The following ALMS1 variants were observed in gnomAD, a reference collection of about 807,000 sequenced individuals.
ALMS1 encodes the protein ALMS1 centrosome and basal body associated protein.
In ALMS1, 271 loss-of-function variants were observed where a neutral mutation model predicts 352.2. That is an observed-to-expected ratio of 0.77 (90% confidence interval 0.70 to 0.85). ALMS1 has a LOEUF of 0.85. ALMS1 is among the 40% of genes least tolerant of loss of function. The probability of loss-of-function intolerance (pLI) is 0.00; values close to 1 mark genes in which losing one functional copy is unlikely to be tolerated. For synonymous variants in ALMS1, 1,865 were observed against 1,761.2 expected, an observed-to-expected ratio of 1.06 and a Z score of -1.48; for missense variants, 5,445 against 4,870.7, an observed-to-expected ratio of 1.12 and a Z score of -3.51.
intron 21 of ALMS1, among the ~76,000 whole-genome samples, chr2:73,607,663 A>T (rs1675844343): frequency 6.6e-6 from 1 of 151,826 alleles, no homozygotes; most frequent in South Asian, 2.1e-4. Context: ...TATTTTTGAG[A>T]TGGAGTCTCA....
chr2:73,516,434 C>A (rs1217841590), intron 10 of ALMS1, among the ~76,000 whole-genome samples: 1 of 152,098 alleles, frequency 6.6e-6, no homozygotes, highest in Non-Finnish European at 1.5e-5. Flanking sequence ...CTCAGCAGTC[C>A]CATTACTGGG....
intron 7 of ALMS1, among the ~76,000 whole-genome samples, chr2:73,434,378 A>ATT (rs781138090): frequency 6.6e-6 from 1 of 152,122 alleles, no homozygotes; most frequent in Non-Finnish European, 1.5e-5. Flanking sequence ...CCCTTTGGTT[A>ATT]TTTAGGAATG....
At chr2:73,488,731 T>G (rs999294677) in intron 9 of ALMS1, among the ~76,000 whole-genome samples, 4 of 152,212 alleles carry the variant, frequency 2.6e-5, no homozygotes, top group Admixed American at 1.3e-4. Context: ...GCAGCATAAT[T>G]TAAAATATTT....
chr2:73,409,767 G>A (rs1308639898), intron 2 of ALMS1, among the ~76,000 whole-genome samples: 1 of 151,974 alleles, frequency 6.6e-6, no homozygotes, highest in Non-Finnish European at 1.5e-5. Flanking sequence ...TATCTTTATT[G>A]ATATTTATTA....
At chr2:73,537,734 C>T (rs527287722) in intron 12 of ALMS1, among the ~76,000 whole-genome samples, 51 of 152,236 alleles carry the variant, frequency 3.4e-4, no homozygotes, top group Admixed American at 6.5e-4. Flanking sequence ...AGGCCGGGTG[C>T]GGTGGCTCAT....
chr2:73,524,520 A>G (rs994992250), intron 11 of ALMS1, among the ~76,000 whole-genome samples: 1 of 152,062 alleles, frequency 6.6e-6, no homozygotes, highest in African/African-American at 2.4e-5. Context: ...CAGTGGCATG[A>G]TCTCAGCTCA....
intron 7 of ALMS1, among the ~76,000 whole-genome samples, chr2:73,435,967 C>T (rs1470303074): frequency 1.3e-5 from 2 of 152,114 alleles, no homozygotes; most frequent in African/African-American, 4.8e-5. Context: ...TTTGTAGTTA[C>T]CGATGTAGTT....
chr2:73,513,647 C>A (rs1008122629), intron 10 of ALMS1, among the ~76,000 whole-genome samples: 10 of 152,168 alleles, frequency 6.6e-5, no homozygotes, highest in East Asian at 1.9e-4. Flanking sequence ...TTCTCTACTG[C>A]AGCTCTGCCA....
chr2:73,457,713 G>A (rs1157357636), intron 9 of ALMS1, among the ~76,000 whole-genome samples: 2 of 152,000 alleles, frequency 1.3e-5, no homozygotes, highest in Non-Finnish European at 2.9e-5. Flanking sequence ...CAATAAAAAT[G>A]TTTACTAAGG....
rs752792682 is a variant in ALMS1, at chr2:73,491,068, C to A, written c.9109C>A (p.Pro3037Thr). 1 of 1,613,966 alleles carries A rather than the reference C, an allele frequency of 6.2e-7. No homozygotes were observed. The highest frequency in any genetic ancestry group is 1.7e-5 in the Admixed American group (1 of 60,014). The change falls in exon 10 of 23, where the codon CCT becomes ACT. Residue 3037 changes from proline (P) to threonine (T), a missense_variant. Transcript: ENST00000613296. ...TACATTAGCAGCATCTGCATCTACTCCTCCTTCAAATAGAAAAGCACTTTC... is the reference window on the plus strand; with the variant it reads ...TACATTAGCAGCATCTGCATCTACTACTCCTTCAAATAGAAAAGCACTTTC... ...HCTLAASAST[P>T]PSNRKALSCV...
At chr2:73,604,137 G>A (rs1176346434) in intron 21 of ALMS1, 3 of 152,198 alleles carry the variant, frequency 2.0e-5, no homozygotes, top group Admixed American at 6.5e-5. Flanking sequence ...GAAAAAACTG[G>A]TAATACTGAT....
chr2:73,559,400 C>G (rs966970878), intron 15 of ALMS1, among the ~76,000 whole-genome samples: 1 of 151,798 alleles, frequency 6.6e-6, no homozygotes, highest in South Asian at 2.1e-4. Flanking sequence ...TAAATAAATA[C>G]CTAAGGCTGA....
At chr2:73,475,387 C>G (rs1344322129) in intron 9 of ALMS1, among the ~76,000 whole-genome samples, 1 of 152,086 alleles carries the variant, frequency 6.6e-6, no homozygotes, top group African/African-American at 2.4e-5. Flanking sequence ...TCCTTTCCAA[C>G]ATTTGTCATT....
In ALMS1 at chr2:73,449,569, A is replaced by G. The variant is rs1346503257; in HGVS notation, c.3042A>G (p.Gln1014=). The change falls in exon 8 of 23, where the codon CAA becomes CAG. Residue 1014 remains glutamine, a synonymous_variant. Coordinates refer to ENST00000613296, the MANE Select transcript of ALMS1 (RefSeq NM_001378454.1). ...GAGAGAAGCCCAGTATTTTCTATCAACAGGAGTGGCCAGATAGTTATGCAA... is the reference window on the plus strand; with the variant it reads ...GAGAGAAGCCCAGTATTTTCTATCAGCAGGAGTGGCCAGATAGTTATGCAA... ...SHREKPSIFY[Q]QEWPDSYATE... The G allele has an allele frequency of 1.9e-6, 3 of 1,614,026 alleles. No homozygotes were observed. Among genetic ancestry groups the G allele is most frequent in the Non-Finnish European group, 2.5e-6 (3 of 1,179,964 alleles).
intron 9 of ALMS1, among the ~76,000 whole-genome samples, chr2:73,480,076 A>C (rs1672663419): frequency 6.7e-6 from 1 of 149,954 alleles, no homozygotes; most frequent in Non-Finnish European, 1.5e-5. Flanking sequence ...ATTTTTATTT[A>C]TTTATTTTTA....
chr2:73,574,430 T>C (rs1388560161), intron 16 of ALMS1, among the ~76,000 whole-genome samples: 1 of 152,152 alleles, frequency 6.6e-6, no homozygotes, highest in Non-Finnish European at 1.5e-5. Flanking sequence ...AAATTTATAT[T>C]TTTGTGTATA....
At chr2:73,507,938 A>G (rs539747377) in intron 10 of ALMS1, among the ~76,000 whole-genome samples, 118 of 152,132 alleles carry the variant, frequency 7.8e-4, no homozygotes, top group Admixed American at 3.4e-3. Flanking sequence ...CCCTCTACAC[A>G]CTGCTTTAAA....
At chr2:73,433,924 T>C (rs929863217) in intron 7 of ALMS1, among the ~76,000 whole-genome samples, 8 of 152,224 alleles carry the variant, frequency 5.3e-5, no homozygotes, top group African/African-American at 1.9e-4. Context: ...GTAATCTCTT[T>C]CATTTCAGTA....
chr2:73,419,352 C>G (rs1469017303), intron 3 of ALMS1, 34 bp downstream of exon 3: 2 of 1,596,642 alleles, frequency 1.3e-6, no homozygotes, highest in African/African-American at 2.7e-5. Context: ...GTAGTAATAC[C>G]TCACATTTGT....
Sources: gnomAD v4.1 joint callset for allele counts (sites outside exome capture counted in the v4.1 genomes callset) on GRCh38, gnomAD v4.1.1 for gene constraint, MANE v1.5 for transcripts, NCBI Gene and HGNC (gene_info 2026-07-23, HGNC 2026-07-21) for gene names.